NDRG3: variants seen among roughly 807,000 people sequenced by gnomAD.
NDRG3 encodes protein NDRG3.
NDRG3 carries 23 observed loss-of-function variants against 57.2 expected under a neutral mutation model. That is an observed-to-expected ratio of 0.40 (90% CI 0.29 to 0.57). The LOEUF (loss-of-function observed/expected upper bound fraction) is 0.57, where lower values mean the gene tolerates loss of function less well. Among genes scored for constraint, NDRG3 ranks in the 20% least tolerant of loss-of-function variants. The pLI, the probability that NDRG3 is intolerant of heterozygous loss-of-function variation, is 0.42. For synonymous variants in NDRG3, 132 were observed against 162.6 expected, an observed-to-expected ratio of 0.81 and a Z score of 1.43; for missense variants, 384 against 457.3, an observed-to-expected ratio of 0.84 and a Z score of 1.46.
At chr20:36,679,799 T>G (rs1020255480) in intron 8 of NDRG3, among the ~76,000 whole-genome samples, 1 of 146,668 alleles carries the variant, frequency 6.8e-6, no homozygotes, top group Admixed American at 6.9e-5. Context: ...CCACCGCGCC[T>G]GGCCAAATTG....
In NDRG3 at chr20:36,653,539, G is replaced by A; in HGVS notation, c.1109C>T (p.Thr370Ile). ...ATCTGCTTAGCAGGACACCTCCATG[G>A]TCTGGTGTCTGTCCAGGACATCAGG... Reference protein sequence around the residue: ...ESPDVLDRHQTMEVSC With the variant: ...ESPDVLDRHQIMEVSC Residue 370 changes from threonine to isoleucine, a missense_variant, in exon 16 of 16, where the codon ACC (threonine) becomes ATC (isoleucine). Transcript: ENST00000349004. The surrounding 1 kb of genome is among the most constrained non-coding windows in gnomAD (Gnocchi z 4.2). The A allele has an allele frequency of 6.2e-7, 1 of 1,614,096 alleles. No individual in the cohort carries two copies. Among genetic ancestry groups the A allele is most frequent in the Non-Finnish European group, 8.5e-7 (1 of 1,179,956 alleles).
intron 3 of NDRG3, among the ~76,000 whole-genome samples, chr20:36,690,403 T>C (rs535416320): frequency 5.9e-4 from 87 of 146,232 alleles, no homozygotes; most frequent in African/African-American, 2.1e-3. Context: ...AGGAACCGAA[T>C]AGAGCAGACA....
chr20:36,653,427 G>T lies in NDRG3; in HGVS notation c.*93C>A. ...GTTCAGTGGCCATGCATGAGTTAAA[G>T]ATAGTAGAGGCCAGTTTACTGGATG... On this transcript the variant is annotated 3_prime_UTR_variant, in exon 16 of 16. Transcript: ENST00000349004. The surrounding 1 kb of genome is among the most constrained non-coding windows in gnomAD (Gnocchi z 4.2). The T allele has an allele frequency of 8.7e-7, 1 of 1,155,240 alleles. No individual in the cohort carries two copies. Among genetic ancestry groups the T allele is most frequent in the Non-Finnish European group, 1.2e-6 (1 of 810,824 alleles). 71.6% of individuals were successfully genotyped at this position (1,155,240 alleles called of 1,614,324 possible).
At chr20:36,728,288 G>A (rs1469333722) in intron 1 of NDRG3, among the ~76,000 whole-genome samples, 1 of 152,076 alleles carries the variant, frequency 6.6e-6, no homozygotes, top group Non-Finnish European at 1.5e-5. Flanking sequence ...TCCTGACCTC[G>A]TGATCTACCT....
Position 36,715,325 on chromosome 20 carries a change from T to C in NDRG3, c.57+6354A>G, listed in dbSNP as rs978278850. On this transcript the variant is annotated intron_variant, in intron 2 of 15. Coordinates refer to ENST00000349004, the MANE Select transcript of NDRG3 (RefSeq NM_032013.4). ...GCATCACTACCTGCTTCGGAACCCA[T>C]TTCTTGCTGCAGTCCCGTCTAGAGC... is the stretch of plus-strand genomic sequence containing the variant. 3.3e-5 allele frequency among the ~76,000 whole-genome samples: 5 copies of C among 151,598 alleles called. No individual in the cohort carries two copies. In the East Asian group the frequency reaches 9.7e-4, roughly 29 times the overall value.
chr20:36,670,329 G>T (rs893200410), intron 9 of NDRG3, among the ~76,000 whole-genome samples: 1 of 152,176 alleles, frequency 6.6e-6, no homozygotes, highest in Non-Finnish European at 1.5e-5. Context: ...TCAGCTGGAA[G>T]AATTAAAGTG....
intron 13 of NDRG3, among the ~76,000 whole-genome samples, chr20:36,658,033 G>A (rs570100180): frequency 1.5e-4 from 23 of 152,188 alleles, no homozygotes; most frequent in Admixed American, 1.1e-3. Context: ...GCATTTTTGC[G>A]AAAAATAACT....
At chr20:36,681,339 T>A (rs1361321559) in intron 7 of NDRG3, among the ~76,000 whole-genome samples, 1 of 151,826 alleles carries the variant, frequency 6.6e-6, no homozygotes, top group Non-Finnish European at 1.5e-5. Context: ...TAAAAAAAAA[T>A]AATGATAATA....
chr20:36,658,050 A>G (rs1050480795), intron 13 of NDRG3, among the ~76,000 whole-genome samples: 2 of 152,176 alleles, frequency 1.3e-5, no homozygotes, highest in South Asian at 2.1e-4. Context: ...AACTATGTCT[A>G]TGGTTATTGT....
chr20:36,673,708 T>C (rs931047215), intron 8 of NDRG3, among the ~76,000 whole-genome samples: 2 of 152,160 alleles, frequency 1.3e-5, no homozygotes, highest in African/African-American at 4.8e-5. Flanking sequence ...TAATGAATAT[T>C]CTGGGTTTGC....
chr20:36,695,865 C>A (rs894844400), intron 3 of NDRG3, among the ~76,000 whole-genome samples: 1 of 152,060 alleles, frequency 6.6e-6, no homozygotes, highest in African/African-American at 2.4e-5. Context: ...ACACCCTATT[C>A]GTATACTCCC....
intron 3 of NDRG3, among the ~76,000 whole-genome samples, chr20:36,689,067 G>A (rs1447704735): frequency 3.3e-5 from 5 of 152,092 alleles, no homozygotes; most frequent in East Asian, 1.9e-4. Context: ...GGTGGCACAC[G>A]CACATAATCC....
In NDRG3 at chr20:36,721,668, A is replaced by C. The variant is rs747665746; in HGVS notation, c.57+11T>G. The C allele has an allele frequency of 1.9e-6, 3 of 1,557,084 alleles. No individual in the cohort carries two copies. The Admixed American group carries it at 5.4e-5, about 28-fold the overall frequency. On this transcript the variant is annotated intron_variant, in intron 2 of 15. Transcript: ENST00000349004. ...TTGTCCATATTTTAGTGAAAACAGA[A>C]AAGTCTTTACCTTATCATTTAGAAG...
rs145817385 is a variant in NDRG3, at chr20:36,716,408, C to T, written c.57+5271G>A. Among the ~76,000 whole-genome samples the T allele has an allele frequency of 3.1e-3, 471 of 151,868 alleles. 2 individuals are homozygous for T. Among genetic ancestry groups the T allele is most frequent in the African/African-American group, 0.011 (456 of 41,434 alleles). On this transcript the variant is annotated intron_variant, in intron 2 of 15. Transcript: ENST00000349004. ...ACTAGCTGAACATGGTGGCAGGTAC[C>T]TATAATCCCAGCTACTTGGGAGGCT...
chr20:36,683,059 G>A (rs906619919), intron 6 of NDRG3, among the ~76,000 whole-genome samples: 7 of 152,068 alleles, frequency 4.6e-5, no homozygotes, highest in African/African-American at 1.4e-4. Context: ...TGGCTAACAC[G>A]GTGAAACCCC....
intron 1 of NDRG3, among the ~76,000 whole-genome samples, chr20:36,727,643 G>C (rs1352273784): frequency 6.6e-6 from 1 of 151,228 alleles, no homozygotes; most frequent in South Asian, 2.1e-4. Flanking sequence ...CTGGGTTCAC[G>C]CCATTCTCCT....
intron 8 of NDRG3, among the ~76,000 whole-genome samples, chr20:36,673,194 G>A (rs1248578928): frequency 1.3e-5 from 2 of 152,124 alleles, no homozygotes; most frequent in African/African-American, 4.8e-5. Context: ...CAGGCTGTGA[G>A]AAGGAATTTC....
At chr20:36,694,097 A>C (rs963057027) in intron 3 of NDRG3, among the ~76,000 whole-genome samples, 4 of 152,166 alleles carry the variant, frequency 2.6e-5, no homozygotes, top group Non-Finnish European at 5.9e-5. Context: ...GATCATCATA[A>C]AGGTCTTCAT....
In NDRG3 at chr20:36,654,682, G is replaced by A. The variant is rs556223972; in HGVS notation, c.947-981C>T. 7.1e-5 allele frequency: 51 copies of A among 716,804 alleles called. 1 individual carries two copies. Among genetic ancestry groups the A allele is most frequent in the East Asian group, 4.4e-4 (17 of 38,740 alleles). The allele number at this position is 716,804 out of a possible 1,614,324, so 44.4% of individuals were successfully genotyped here. On this transcript the variant is annotated intron_variant, in intron 15 of 15. Transcript: ENST00000349004. ...ACCTGTAGGCTAAATCTCTTGGGGC[G>A]TACTGAGCCACGTTCTATCGGGCTC...
Sources: gnomAD v4.1 joint callset for allele counts (sites outside exome capture counted in the v4.1 genomes callset) on GRCh38, gnomAD v4.1.1 for gene constraint, Gnocchi (gnomAD v3.1) non-coding constraint, MANE v1.5 for transcripts, NCBI Gene and HGNC (gene_info 2026-07-23, HGNC 2026-07-21) for gene names.